CPEB3: variants seen among roughly 807,000 people sequenced by gnomAD.
CPEB3 encodes the protein cytoplasmic polyadenylation element-binding protein 3.
CPEB3 carries 20 observed loss-of-function variants against 67.2 expected under a neutral mutation model. That is an observed-to-expected ratio of 0.30 (90% confidence interval 0.21 to 0.43). The LOEUF is 0.43. Ranked by LOEUF, CPEB3 falls within the 20% of genes least tolerant of loss-of-function variation. The probability of loss-of-function intolerance (pLI) is 1.00; values close to 1 mark genes in which losing one functional copy is unlikely to be tolerated. For missense variants in CPEB3, 746 were observed against 968.6 expected (o/e 0.77, Z 3.05); for synonymous variants, 376 against 393.1 (o/e 0.96, Z 0.51).
At chr10:92,261,804 T>C (rs1022540071) in intron 1 of CPEB3, among the ~76,000 whole-genome samples, 2 of 152,188 alleles carry the variant, frequency 1.3e-5, no homozygotes, top group Non-Finnish European at 2.9e-5. Flanking sequence ...GCACTTAGGA[T>C]GACTGTTGGG....
chr10:92,158,253 G>A (rs979705942), intron 4 of CPEB3, among the ~76,000 whole-genome samples: 1 of 152,092 alleles, frequency 6.6e-6, no homozygotes. Context: ...TGAAGTACAG[G>A]CTAAATCACA....
At chr10:92,191,300 G>A (rs1414855142) in intron 3 of CPEB3, among the ~76,000 whole-genome samples, 2 of 151,712 alleles carry the variant, frequency 1.3e-5, no homozygotes, top group Non-Finnish European at 2.9e-5. Context: ...TACTTGGAAG[G>A]CTGAGGCAGA....
At chr10:92,076,354 G>T (rs1842933724) in intron 9 of CPEB3, 1 of 152,152 alleles carries the variant, frequency 6.6e-6, no homozygotes, top group Non-Finnish European at 1.5e-5. Context: ...ATTTTCCTGA[G>T]GAGATATAAG....
chr10:92,250,771 C>CCT, intron 1 of CPEB3, among the ~76,000 whole-genome samples: 1 of 151,856 alleles, frequency 6.6e-6, no homozygotes, highest in Admixed American at 6.6e-5. Flanking sequence ...CTCACTGCAA[C>CCT]CTCCACCTCC....
intron 1 of CPEB3, among the ~76,000 whole-genome samples, chr10:92,280,031 AAG>A (rs1398670904): frequency 6.7e-6 from 1 of 150,268 alleles, no homozygotes; most frequent in Non-Finnish European, 1.5e-5. Flanking sequence ...GAAAGAGAGA[AAG>A]AGAGAGAGAA....
At chr10:92,263,816 C>A (rs147365203) in intron 1 of CPEB3, among the ~76,000 whole-genome samples, 1 of 152,220 alleles carries the variant, frequency 6.6e-6, no homozygotes, top group African/African-American at 2.4e-5. Flanking sequence ...TGAGCCACTG[C>A]ACCTAGCCAG....
At chr10:92,242,035 T>C (rs1489376656) in intron 1 of CPEB3, among the ~76,000 whole-genome samples, 3 of 152,166 alleles carry the variant, frequency 2.0e-5, no homozygotes, top group Non-Finnish European at 4.4e-5. Flanking sequence ...AATCAACATA[T>C]CAGAAAATGA....
intron 9 of CPEB3, among the ~76,000 whole-genome samples, chr10:92,057,707 G>A (rs2134284729): frequency 6.6e-6 from 1 of 152,354 alleles, no homozygotes; most frequent in African/African-American, 2.4e-5. Flanking sequence ...GTGGCCACAG[G>A]GGTGCTTGTG....
chr10:92,054,437 T>C (rs1842036831), intron 9 of CPEB3, among the ~76,000 whole-genome samples: 1 of 152,172 alleles, frequency 6.6e-6, no homozygotes. Flanking sequence ...ATCTTTTTTT[T>C]TTTGAGACGG....
At chr10:92,191,141 G>A (rs1848961242) in intron 3 of CPEB3, among the ~76,000 whole-genome samples, 1 of 151,766 alleles carries the variant, frequency 6.6e-6, no homozygotes, top group Admixed American at 6.6e-5. Context: ...GCCGGGTGCG[G>A]TGGCACTCCC....
At position 92,081,317 on chromosome 10, in the gene CPEB3, T is replaced by C. The variant is rs1296336948; in HGVS notation, c.1869+3A>G. The C allele has an allele frequency of 4.3e-6, 7 of 1,614,056 alleles. No individual in the cohort carries two copies. The Admixed American group carries it at 5.0e-5, about 12-fold the overall frequency. The stretch of plus-strand genomic sequence containing the variant: ...AGCAGTTTCACCCTAAGTAGGTGCT[T>C]ACCCGTTTGTCAATGTCATTGTGCT... On this transcript the variant is annotated splice_donor_region_variant and intron_variant, in intron 9 of 9. Transcript: ENST00000265997.
At chr10:92,274,700 G>T (rs1689586375) in intron 1 of CPEB3, among the ~76,000 whole-genome samples, 2 of 152,114 alleles carry the variant, frequency 1.3e-5, no homozygotes, top group Non-Finnish European at 2.9e-5. Context: ...AATTAGCTGG[G>T]TGTGGTGGTG....
In CPEB3 at chr10:92,094,862, C is replaced by T. The variant is rs532831714; in HGVS notation, c.1573-2918G>A. Among the ~76,000 whole-genome samples the T allele has an allele frequency of 5.9e-5, 9 of 151,984 alleles. No individual in the cohort carries two copies. The East Asian group carries it at 1.5e-3, about 26-fold the overall frequency. ...ACACAGAGATGTATCTTTTTCTACA[C>T]ATAATCTCTCTTCTAATCTCATTCC... On this transcript the variant is annotated intron_variant, in intron 7 of 9. Coordinates refer to ENST00000265997, the MANE Select transcript of CPEB3 (RefSeq NM_014912.5).
At position 92,049,770 on chromosome 10, in the gene CPEB3, GA is replaced by G. The variant is rs1852224168; in HGVS notation, c.*2441del. On this transcript the variant is annotated 3_prime_UTR_variant, in exon 10 of 10. Coordinates refer to ENST00000265997, the MANE Select transcript of CPEB3 (RefSeq NM_014912.5). ...CTCAGTGTTATTTTAATACATGAAAGAGGGGTGCTTCTTCAAAAAGTTTTGC... is the reference window on the plus strand; with the variant it reads ...CTCAGTGTTATTTTAATACATGAAAGGGGGTGCTTCTTCAAAAAGTTTTGC... The G allele has an allele frequency of 6.6e-6, 1 of 152,516 alleles. No individual in the cohort carries two copies. Among genetic ancestry groups the G allele is most frequent in the African/African-American group, 2.4e-5 (1 of 41,414 alleles). 9.4% of individuals were successfully genotyped at this position (152,516 alleles called of 1,614,324 possible).
chr10:92,070,033 G>T (rs1380105850), intron 9 of CPEB3, among the ~76,000 whole-genome samples: 1 of 151,818 alleles, frequency 6.6e-6, no homozygotes, highest in Non-Finnish European at 1.5e-5. Context: ...GACACATTTG[G>T]AAAAAAAGGG....
At chr10:92,101,599 G>T (rs1324874251) in intron 7 of CPEB3, among the ~76,000 whole-genome samples, 1 of 152,056 alleles carries the variant, frequency 6.6e-6, no homozygotes, top group Non-Finnish European at 1.5e-5. Context: ...GATTGCCCCA[G>T]CAATATCAGA....
chr10:92,098,519 G>C (rs971732706), intron 7 of CPEB3, among the ~76,000 whole-genome samples: 2 of 151,902 alleles, frequency 1.3e-5, no homozygotes, highest in Non-Finnish European at 2.9e-5. Context: ...ATGTTGGTCG[G>C]GATGGTCTCA....
At chr10:92,066,214 G>T (rs1012014348) in intron 9 of CPEB3, among the ~76,000 whole-genome samples, 19 of 152,088 alleles carry the variant, frequency 1.2e-4, no homozygotes, top group African/African-American at 4.3e-4. Context: ...CTATGCAATG[G>T]CTAGGAAAAG....
At chr10:92,173,673 C>G (rs955650087) in intron 4 of CPEB3, among the ~76,000 whole-genome samples, 1 of 152,122 alleles carries the variant, frequency 6.6e-6, no homozygotes, top group Non-Finnish European at 1.5e-5. Flanking sequence ...TCCATATCAC[C>G]CTGGCCAATT....
Sources: allele counts gnomAD v4.1 joint callset (sites outside exome capture counted in the v4.1 genomes callset), GRCh38; gene constraint gnomAD v4.1.1; transcripts MANE v1.5; gene names NCBI Gene and HGNC (gene_info 2026-07-23, HGNC 2026-07-21).